The following TAC1 variants were observed in gnomAD, a reference collection of about 807,000 sequenced individuals.
TAC1 encodes the protein tachykinin precursor 1.
TAC1 carries 12 observed loss-of-function variants against 21.7 expected under a neutral mutation model. That is an observed-to-expected ratio of 0.55 (90% CI 0.35 to 0.89). The LOEUF (loss-of-function observed/expected upper bound fraction) is 0.89. Ranked by LOEUF, TAC1 falls within the 40% of genes least tolerant of loss-of-function variation. The pLI is 0.01. For synonymous variants in TAC1, 52 were observed against 52.0 expected (o/e 1.00, Z 0.00); for missense variants, 128 against 151.4 (o/e 0.85, Z 0.81).
At position 97,740,220 on chromosome 7, in the gene TAC1, G is replaced by A. The variant is rs756050416; in HGVS notation, c.*300G>A. On this transcript the variant is annotated 3_prime_UTR_variant, in exon 7 of 7. Transcript: ENST00000319273. ...CCTAAAGAAAAAAAATCATTGCTTT[G>A]AAGCAGTTGTGTCAGCTACTGCGGA... The A allele has an allele frequency of 1.2e-4, 24 of 206,068 alleles. No individual in the cohort carries two copies. Among genetic ancestry groups the A allele is most frequent in the Non-Finnish European group, 1.7e-4 (18 of 103,448 alleles). The allele number at this position is 206,068 out of a possible 1,614,324, so 12.8% of individuals were successfully genotyped here.
chr7:97,740,134 G>A lies in TAC1; in HGVS notation c.*214G>A, dbSNP rs944524218. 6.5e-5 allele frequency: 24 copies of A among 369,890 alleles called. No individual in the cohort carries two copies. Among genetic ancestry groups the A allele is most frequent in the Non-Finnish European group, 1.0e-4 (21 of 205,740 alleles). The allele number at this position is 369,890 out of a possible 1,614,324, so 22.9% of individuals were successfully genotyped here. A position where few individuals can be genotyped will look rare whatever the true frequency, so the allele number is the denominator to read the frequency against. ...TGACTCCCTTAAAATAGAAATAAGTGGTTATTTCTCAACAAAGCACAGTGT... is the reference window on the plus strand; with the variant it reads ...TGACTCCCTTAAAATAGAAATAAGTAGTTATTTCTCAACAAAGCACAGTGT... On this transcript the variant is annotated 3_prime_UTR_variant, in exon 7 of 7. Coordinates refer to ENST00000319273, the MANE Select transcript of TAC1 (RefSeq NM_003182.3).
In TAC1 at chr7:97,734,295, A is replaced by G; in HGVS notation, c.265+3A>G. On this transcript the variant is annotated splice_donor_region_variant and intron_variant, in intron 4 of 6. Coordinates refer to ENST00000319273, the MANE Select transcript of TAC1 (RefSeq NM_003182.3). ...GGCCCTGTTAAAGGCTCTTTATGGTAAACATTCCTATAAATCTTTATTTTA... is the reference window on the plus strand; with the variant it reads ...GGCCCTGTTAAAGGCTCTTTATGGTGAACATTCCTATAAATCTTTATTTTA... 6.2e-7 allele frequency: 1 copy of G among 1,611,696 alleles called. No individual in the cohort carries two copies. The highest frequency in any genetic ancestry group is 2.2e-5 in the East Asian group (1 of 44,882).
Position 97,732,991 on chromosome 7 carries a change from GA to G in TAC1, c.123+257del. ...CTGCAGTAGGGATGCCCTCCCGGAT[GA>G]GCCCGAGATCCTCACAAGGCGGGAA... On this transcript the variant is annotated intron_variant, in intron 2 of 6. Coordinates refer to ENST00000319273, the MANE Select transcript of TAC1 (RefSeq NM_003182.3). The surrounding 1 kb of genome is among the most constrained non-coding windows in gnomAD (Gnocchi z 6.2). 5.2e-6 allele frequency: 2 copies of G among 383,422 alleles called. No homozygotes were observed. Among genetic ancestry groups the G allele is most frequent in the South Asian group, 5.3e-5 (1 of 18,764 alleles). 23.8% of individuals were successfully genotyped at this position (383,422 alleles called of 1,614,324 possible). A position where few individuals can be genotyped will look rare whatever the true frequency, so the allele number is the denominator to read the frequency against.
chr7:97,733,812 G>A lies in TAC1; in HGVS notation c.213G>A (p.Arg71=). Residue 71 remains arginine, a synonymous_variant, in exon 3 of 7, where the codon CGG becomes CGA. Coordinates refer to ENST00000319273, the MANE Select transcript of TAC1 (RefSeq NM_003182.3). Reference sequence around the variant, plus strand: ...AGTTCTTTGGATTAATGGGCAAACGGGATGCTGGTGAGATAGGCGACCGTC... The same window carrying A: ...AGTTCTTTGGATTAATGGGCAAACGAGATGCTGGTGAGATAGGCGACCGTC... The part of the protein sequence containing the change: ...PQQFFGLMGK[R]DADSSIEKQV... 2 of 1,614,172 alleles carry A rather than the reference G, an allele frequency of 1.2e-6. No individual in the cohort carries two copies. The highest frequency in any genetic ancestry group is 2.7e-5 in the African/African-American group (2 of 75,056).
At chr7:97,739,107 G>C (rs78377407) in intron 6 of TAC1, among the ~76,000 whole-genome samples, 34,819 of 151,262 alleles carry the variant, frequency 0.23, 4,463 homozygotes, top group African/African-American at 0.33. Flanking sequence ...AATAATTAAT[G>C]CTTCACAGGC....
In TAC1 at chr7:97,732,482, G is replaced by A; in HGVS notation, c.-9-122G>A. 1 of 1,196,492 alleles carries A rather than the reference G, an allele frequency of 8.4e-7. No individual in the cohort carries two copies. The highest frequency in any genetic ancestry group is 1.4e-5 in the South Asian group (1 of 71,234). The allele number at this position is 1,196,492 out of a possible 1,614,324, so 74.1% of individuals were successfully genotyped here. ...GTACAGGTGAGACTTCAGTCCTTAT[G>A]TTTTTGATCTTGGTTCATCCGTTGT... On this transcript the variant is annotated intron_variant, in intron 1 of 6. Transcript: ENST00000319273. This position sits in a 1 kb window ranked among gnomAD's most constrained non-coding sequence, Gnocchi z 6.2.
rs1277820447 is a variant in TAC1, at chr7:97,734,818, T to C, written c.266-8T>C. On this transcript the variant is annotated splice_region_variant and splice_polypyrimidine_tract_variant and intron_variant, in intron 4 of 6. Transcript: ENST00000319273. Reference sequence around the variant, plus strand: ...TATATGTGTTTGCTAATTTTATCTTTCTTCTAGGACATGGCCAGATCTCTC... The same window carrying C: ...TATATGTGTTTGCTAATTTTATCTTCCTTCTAGGACATGGCCAGATCTCTC... The C allele has an allele frequency of 6.3e-7, 1 of 1,591,216 alleles. No individual in the cohort carries two copies. The highest frequency in any genetic ancestry group is 2.2e-5 in the East Asian group (1 of 44,554).
intron 6 of TAC1, among the ~76,000 whole-genome samples, chr7:97,737,214 G>A (rs1789592689): frequency 6.6e-6 from 1 of 151,800 alleles, no homozygotes; most frequent in African/African-American, 2.4e-5. Flanking sequence ...GGGCTTCTTG[G>A]AAAAGCTATT....
At chr7:97,736,446 A>G in intron 6 of TAC1, 94 bp downstream of exon 6, 1 of 1,199,356 alleles carries the variant, frequency 8.3e-7, no homozygotes, top group Non-Finnish European at 1.2e-6. Flanking sequence ...AAGGAGTGGT[A>G]GATATAAAAA....
At chr7:97,734,376 C>A in intron 4 of TAC1, 84 bp downstream of exon 4, 1 of 1,238,058 alleles carries the variant, frequency 8.1e-7, no homozygotes, top group Non-Finnish European at 1.2e-6. Flanking sequence ...GGCTGAAATA[C>A]AAGATCTGGG....
intron 4 of TAC1, among the ~76,000 whole-genome samples, chr7:97,734,589 A>T (rs1384937294): frequency 1.3e-5 from 2 of 152,076 alleles, no homozygotes; most frequent in African/African-American, 2.4e-5. Context: ...GAAGTCTCAT[A>T]GTCCTAGGTT....
chr7:97,737,728 G>A (rs1357741815), intron 6 of TAC1, among the ~76,000 whole-genome samples: 2 of 151,926 alleles, frequency 1.3e-5, no homozygotes, highest in Non-Finnish European at 2.9e-5. Flanking sequence ...TTGGGCTGCC[G>A]AAGTGTAAAA....
In TAC1 at chr7:97,739,746, G is replaced by A. The variant is rs1789660756; in HGVS notation, c.344-128G>A. 5 of 579,960 alleles carry A rather than the reference G, an allele frequency of 8.6e-6. No individual in the cohort carries two copies. The Admixed American group carries it at 1.1e-4, about 12-fold the overall frequency. 35.9% of individuals were successfully genotyped at this position (579,960 alleles called of 1,614,324 possible). A position where few individuals can be genotyped will look rare whatever the true frequency, so the allele number is the denominator to read the frequency against. ...GGAAGATGTGCAGATAACATTCTTA[G>A]AAATACTTCTGTAGAGGGAAAATGT... On this transcript the variant is annotated intron_variant, in intron 6 of 6. Coordinates refer to ENST00000319273, the MANE Select transcript of TAC1 (RefSeq NM_003182.3).
rs1040625862 is a variant in TAC1, at chr7:97,740,151, G to A, written c.*231G>A. 15 of 330,984 alleles carry A rather than the reference G, an allele frequency of 4.5e-5. No homozygotes were observed. The highest frequency in any genetic ancestry group is 1.7e-4 in the African/African-American group (8 of 46,630). 20.5% of individuals were successfully genotyped at this position (330,984 alleles called of 1,614,324 possible). ...AAATAAGTGGTTATTTCTCAACAAA[G>A]CACAGTGTTAAATGAAATTGTAAAA... On this transcript the variant is annotated 3_prime_UTR_variant, in exon 7 of 7. Coordinates refer to ENST00000319273, the MANE Select transcript of TAC1 (RefSeq NM_003182.3).
Position 97,739,912 on chromosome 7 carries a change from A to T in TAC1, c.382A>T (p.Arg128Ter). The T allele has an allele frequency of 6.2e-7, 1 of 1,603,344 alleles. No individual in the cohort carries two copies. Among genetic ancestry groups the T allele is most frequent in the East Asian group, 2.2e-5 (1 of 44,478 alleles). ...GAGTGCAATGCAGAATTATGAAAGA[A>T]GACGTTAATAAACTACCTAACATTA... ...ERSAMQNYER[R>*]R The change falls in exon 7 of 7, where the codon AGA (arginine) becomes TGA (stop). Residue 128 changes from arginine to a stop codon, truncating the protein, a stop_gained. Transcript: ENST00000319273. LOFTEE classifies it high-confidence loss of function.
Position 97,736,281 on chromosome 7 carries a change from CT to C in TAC1, c.290-17del, listed in dbSNP as rs756387093. 9 of 1,603,384 alleles carry C rather than the reference CT, an allele frequency of 5.6e-6. No individual in the cohort carries two copies. In the South Asian group the frequency reaches 8.9e-5, roughly 16 times the overall value. ...CAAAGATATACATATTAAAATACCC[CT>C]AAATGTATTTTTCCAGGACATAAAA... On this transcript the variant is annotated splice_polypyrimidine_tract_variant and intron_variant, in intron 5 of 6. Coordinates refer to ENST00000319273, the MANE Select transcript of TAC1 (RefSeq NM_003182.3).
rs200685127 is a variant in TAC1, at chr7:97,734,503, T to C, written c.265+211T>C. The stretch of plus-strand genomic sequence containing the variant: ...TCTCTCTCAGTCTCTCTCTCTCTCT[T>C]TCTCTCTCTCTCTCAGTGGGTGGCC... On this transcript the variant is annotated intron_variant, in intron 4 of 6. Transcript: ENST00000319273. Among the ~76,000 whole-genome samples the C allele has an allele frequency of 9.0e-4, 133 of 148,060 alleles. 1 individual carries two copies. Among genetic ancestry groups the C allele is most frequent in the Non-Finnish European group, 1.7e-3 (115 of 67,116 alleles).
chr7:97,732,652 T>G lies in TAC1; in HGVS notation c.40T>G (p.Ser14Ala). 6.2e-7 allele frequency: 1 copy of G among 1,614,102 alleles called. No homozygotes were observed. Among genetic ancestry groups the G allele is most frequent in the Non-Finnish European group, 8.5e-7 (1 of 1,180,018 alleles). Residue 14 changes from serine to alanine, a missense_variant, in exon 2 of 7, where the codon TCC becomes GCC. Transcript: ENST00000319273. This position sits in a 1 kb window ranked among gnomAD's most constrained non-coding sequence, Gnocchi z 6.2. ...GGCCTTGGCAGTCTTTTTTCTTGTCTCCACTCAGCTGTTTGCAGAAGAAAT... is the reference window on the plus strand; with the variant it reads ...GGCCTTGGCAGTCTTTTTTCTTGTCGCCACTCAGCTGTTTGCAGAAGAAAT... Reference protein sequence around the residue: ...LVALAVFFLVSTQLFAEEIGA... With the variant: ...LVALAVFFLVATQLFAEEIGA...
intron 5 of TAC1, among the ~76,000 whole-genome samples, 176 bp from the exon 6 acceptor site, chr7:97,736,123 T>C (rs916740596): frequency 7.2e-5 from 11 of 152,074 alleles, no homozygotes; most frequent in African/African-American, 2.7e-4. Flanking sequence ...TTGTATTGTT[T>C]TAGTGTAATT....
Sources: gnomAD v4.1 joint callset for allele counts (sites outside exome capture counted in the v4.1 genomes callset) on GRCh38, gnomAD v4.1.1 for gene constraint, Gnocchi (gnomAD v3.1) non-coding constraint, MANE v1.5 for transcripts, NCBI Gene and HGNC (gene_info 2026-07-23, HGNC 2026-07-21) for gene names.